Variants in C1QTNF3 observed in about 807,000 individuals in gnomAD.
C1QTNF3 encodes the protein complement C1q tumor necrosis factor-related protein 3.
C1QTNF3 carries 26 observed loss-of-function variants against 32.6 expected under a neutral mutation model. The observed-to-expected ratio is 0.80, with a 90% CI of 0.58 to 1.11. The LOEUF is 1.11. Among genes scored for constraint, C1QTNF3 ranks in the 50% least tolerant of loss-of-function variants. C1QTNF3 has a pLI of 0.00. For missense variants in C1QTNF3, 362 were observed against 398.2 expected (o/e 0.91, Z 0.77); for synonymous variants, 155 against 146.0 (o/e 1.06, Z -0.44).
At chr5:34,034,411 C>T (rs1347859947) in intron 2 of C1QTNF3, among the ~76,000 whole-genome samples, 1 of 152,204 alleles carries the variant, frequency 6.6e-6, no homozygotes, top group African/African-American at 2.4e-5. Context: ...AAGGTAAACT[C>T]ATTCATTAAA....
chr5:34,120,059 GA>G, the C1QTNF3 span, among the ~76,000 whole-genome samples: 1 of 152,116 alleles, frequency 6.6e-6, no homozygotes, highest in Non-Finnish European at 1.5e-5. Context: ...TTGAGGAATG[GA>G]TTGTTCCTAA....
At chr5:34,037,570 G>A (rs1409682318) in intron 1 of C1QTNF3, among the ~76,000 whole-genome samples, 3 of 152,198 alleles carry the variant, frequency 2.0e-5, no homozygotes, top group Non-Finnish European at 2.9e-5. Context: ...TGTAGCACAA[G>A]CATTCTCCTG....
the C1QTNF3 span, among the ~76,000 whole-genome samples, chr5:34,207,253 T>C: frequency 2.7e-5 from 4 of 147,458 alleles, no homozygotes; most frequent in Non-Finnish European, 4.4e-5. Flanking sequence ...ATACTTGAAA[T>C]GTGTGATGTG....
At chr5:34,197,460 C>T in the C1QTNF3 span, among the ~76,000 whole-genome samples, 2 of 152,150 alleles carry the variant, frequency 1.3e-5, no homozygotes, top group Non-Finnish European at 2.9e-5. Flanking sequence ...TTTTTACGGT[C>T]AATCAATGGT....
the C1QTNF3 span, among the ~76,000 whole-genome samples, chr5:34,196,825 A>T: frequency 6.8e-6 from 1 of 147,886 alleles, no homozygotes; most frequent in South Asian, 2.1e-4. Context: ...ACGCCCGGCT[A>T]ATTTTTTTGT....
At position 34,019,001 on chromosome 5, in the gene C1QTNF3, G is replaced by C. The variant is rs1290673459; in HGVS notation, c.*1582C>G. The stretch of plus-strand genomic sequence containing the variant: ...AAATTAGCTGGTCCTGGTGGTGGGC[G>C]CCTGTAGTCCCAGCTACTCAGGAGG... On this transcript the variant is annotated 3_prime_UTR_variant, in exon 6 of 6. Coordinates refer to ENST00000382065, the MANE Select transcript of C1QTNF3 (RefSeq NM_181435.6). Among the ~76,000 whole-genome samples, 4 of 152,022 alleles carry C rather than the reference G, an allele frequency of 2.6e-5. No homozygotes were observed. In the South Asian group the frequency reaches 6.2e-4, roughly 24 times the overall value.
chr5:34,056,420 A>ATGTATG, the C1QTNF3 span, among the ~76,000 whole-genome samples: 1 of 38,746 alleles, frequency 2.6e-5, no homozygotes, highest in South Asian at 1.2e-3. Context: ...ATGTATATGT[A>ATGTATG]TGTGTGTGTG....
At chr5:34,178,435 T>C in the C1QTNF3 span, among the ~76,000 whole-genome samples, 1 of 152,190 alleles carries the variant, frequency 6.6e-6, no homozygotes, top group East Asian at 1.9e-4. Flanking sequence ...CAGTCCACTG[T>C]GGGTGGCTGT....
the C1QTNF3 span, among the ~76,000 whole-genome samples, chr5:34,064,084 G>A: frequency 9.2e-3 from 1,407 of 152,212 alleles, 16 homozygotes; most frequent in African/African-American, 0.033. Context: ...ACCAATGCTC[G>A]CAACCCAGAA....
chr5:34,072,401 G>GAA, the C1QTNF3 span, among the ~76,000 whole-genome samples: 1 of 151,436 alleles, frequency 6.6e-6, no homozygotes, highest in Non-Finnish European at 1.5e-5. Flanking sequence ...AAGAAAGAAA[G>GAA]AAAGAAAGAA....
At chr5:34,052,022 C>T in the C1QTNF3 span, among the ~76,000 whole-genome samples, 1 of 152,172 alleles carries the variant, frequency 6.6e-6, no homozygotes, top group African/African-American at 2.4e-5. Flanking sequence ...CCTGTAATCC[C>T]AGCTACTCGG....
chr5:34,205,501 T>C, the C1QTNF3 span, among the ~76,000 whole-genome samples: 3 of 152,178 alleles, frequency 2.0e-5, no homozygotes, highest in Admixed American at 6.5e-5. Flanking sequence ...TGTTTAAAAG[T>C]GTGTAGCATC....
the C1QTNF3 span, among the ~76,000 whole-genome samples, chr5:34,140,564 G>T: frequency 6.6e-6 from 1 of 152,184 alleles, no homozygotes; most frequent in Non-Finnish European, 1.5e-5. Context: ...ATATGTAGGT[G>T]GTTATGTTTG....
chr5:34,136,182 CA>C, the C1QTNF3 span, among the ~76,000 whole-genome samples: 1 of 152,092 alleles, frequency 6.6e-6, no homozygotes, highest in East Asian at 1.9e-4. Context: ...TTCTGCATGG[CA>C]AAAGAAACTA....
chr5:34,023,910 T>C lies in C1QTNF3; in HGVS notation c.799A>G (p.Ser267Gly). Residue 267 changes from serine to glycine, a missense_variant and splice_region_variant, in exon 5 of 6, where the codon AGC (serine) becomes GGC (glycine). Transcript: ENST00000382065. ...CCCATGACAGAAAAGACCACCCACCTGTACATGCTGAAGACTGTGTTGCCA... is the reference window on the plus strand; with the variant it reads ...CCCATGACAGAAAAGACCACCCACCCGTACATGCTGAAGACTGTGTTGCCA... Reference protein sequence around the residue: ...HNGNTVFSMYSYEMKGKSDTS... With the variant: ...HNGNTVFSMYGYEMKGKSDTS... The C allele has an allele frequency of 6.2e-7, 1 of 1,613,414 alleles. No individual in the cohort carries two copies. Among genetic ancestry groups the C allele is most frequent in the Non-Finnish European group, 8.5e-7 (1 of 1,179,378 alleles).
At chr5:34,089,244 A>C in the C1QTNF3 span, among the ~76,000 whole-genome samples, 1 of 152,150 alleles carries the variant, frequency 6.6e-6, no homozygotes, top group South Asian at 2.1e-4. Context: ...GCAAATGTTA[A>C]ATAATCAAAT....
the C1QTNF3 span, among the ~76,000 whole-genome samples, chr5:34,056,479 T>TATAGAGAGAG: frequency 9.7e-5 from 5 of 51,776 alleles, no homozygotes; most frequent in African/African-American, 3.3e-4. Flanking sequence ...TATATATATA[T>TATAGAGAGAG]AGAGAGAGAG....
At chr5:34,028,534 G>A (rs942702555) in intron 4 of C1QTNF3, among the ~76,000 whole-genome samples, 5 of 151,816 alleles carry the variant, frequency 3.3e-5, no homozygotes, top group African/African-American at 1.2e-4. Context: ...ATTCTAATTC[G>A]TTTACTTTGA....
In C1QTNF3 at chr5:34,024,066, G is replaced by A. The variant is rs1754404842; in HGVS notation, c.701-58C>T. The stretch of plus-strand genomic sequence containing the variant: ...TTAACATGTTATACATTGAGGACCT[G>A]GAGATACCTGGAGATTTGCCAACTG... On this transcript the variant is annotated intron_variant, in intron 4 of 5. Coordinates refer to ENST00000382065, the MANE Select transcript of C1QTNF3 (RefSeq NM_181435.6). 8.5e-6 allele frequency: 11 copies of A among 1,289,384 alleles called. No homozygotes were observed. In the South Asian group the frequency reaches 8.6e-5, roughly 10 times the overall value. The allele number at this position is 1,289,384 out of a possible 1,614,324, so 79.9% of individuals were successfully genotyped here. A position where few individuals can be genotyped will look rare whatever the true frequency, so the allele number is the denominator to read the frequency against.
Sources: allele counts gnomAD v4.1 joint callset (sites outside exome capture counted in the v4.1 genomes callset), GRCh38; gene constraint gnomAD v4.1.1; transcripts MANE v1.5; gene names NCBI Gene and HGNC (gene_info 2026-07-23, HGNC 2026-07-21).